TRAPPC9: variants seen among roughly 807,000 people sequenced by gnomAD.
TRAPPC9 encodes the protein IKK2 binding protein.
In TRAPPC9, 83 loss-of-function variants were observed where a neutral mutation model predicts 124.0. The ratio of observed to expected loss-of-function variants is 0.67; its 90% CI spans 0.56 to 0.80. TRAPPC9 has a LOEUF of 0.80. TRAPPC9 is among the 30% of genes least tolerant of loss of function. The pLI is 0.00. For missense variants in TRAPPC9, 1,302 were observed against 1,508.3 expected, an observed-to-expected ratio of 0.86 and a Z score of 2.27; for synonymous variants, 638 against 617.5, an observed-to-expected ratio of 1.03 and a Z score of -0.49.
In TRAPPC9 at chr8:140,124,008, C is replaced by A. The variant is rs544193333; in HGVS notation, c.2556+97451G>T. Reference sequence around the variant, plus strand: ...GGACCCTGGCTGAAGCAGCAAGTGTCCCCACCAGGACTTTGCTCACCTTAT... The same window carrying A: ...GGACCCTGGCTGAAGCAGCAAGTGTACCCACCAGGACTTTGCTCACCTTAT... On this transcript the variant is annotated intron_variant, in intron 17 of 22. Transcript: ENST00000438773. 1.7e-3 allele frequency among the ~76,000 whole-genome samples: 266 copies of A among 152,340 alleles called. 2 individuals are homozygous for A. Among genetic ancestry groups the A allele is most frequent in the Non-Finnish European group, 3.1e-3 (210 of 68,028 alleles).
At chr8:139,871,233 C>T (rs1025212579) in intron 21 of TRAPPC9, among the ~76,000 whole-genome samples, 2 of 152,284 alleles carry the variant, frequency 1.3e-5, no homozygotes, top group African/African-American at 4.8e-5. Flanking sequence ...TTTGTTATAA[C>T]CCGGACACCT....
chr8:140,057,839 C>T (rs555102939), intron 17 of TRAPPC9, among the ~76,000 whole-genome samples: 1 of 152,292 alleles, frequency 6.6e-6, no homozygotes, highest in East Asian at 1.9e-4. Flanking sequence ...ACATGTTCTT[C>T]CCACAATGGA....
intron 2 of TRAPPC9, among the ~76,000 whole-genome samples, chr8:140,448,167 A>C (rs79252897): frequency 6.9e-6 from 1 of 143,944 alleles, no homozygotes; most frequent in Non-Finnish European, 1.5e-5. Flanking sequence ...AAAAAAAAAA[A>C]TTAGAGAACC....
At chr8:140,372,220 A>C (rs1292410820) in intron 7 of TRAPPC9, among the ~76,000 whole-genome samples, 2 of 152,194 alleles carry the variant, frequency 1.3e-5, no homozygotes, top group Non-Finnish European at 2.9e-5. Context: ...GAGAAGAAGG[A>C]AGGCAGAGCC....
At chr8:140,056,038 C>A (rs1044819735) in intron 17 of TRAPPC9, among the ~76,000 whole-genome samples, 3 of 151,920 alleles carry the variant, frequency 2.0e-5, no homozygotes, top group African/African-American at 7.3e-5. Flanking sequence ...ACAGCCAAAA[C>A]CATCTTGAAA....
intron 19 of TRAPPC9, among the ~76,000 whole-genome samples, chr8:139,967,066 G>A (rs928808232): frequency 1.9e-4 from 29 of 152,176 alleles, no homozygotes; most frequent in African/African-American, 5.8e-4. Flanking sequence ...GGTAGATTGC[G>A]TTACTGTCCG....
intron 17 of TRAPPC9, among the ~76,000 whole-genome samples, chr8:140,034,105 T>C (rs1840728422): frequency 1.3e-5 from 2 of 152,230 alleles, no homozygotes. Flanking sequence ...ACTTTACTAA[T>C]ATTTTGCAAG....
At chr8:139,741,650 C>G (rs1818567822) in intron 21 of TRAPPC9, among the ~76,000 whole-genome samples, 1 of 152,070 alleles carries the variant, frequency 6.6e-6, no homozygotes, top group African/African-American at 2.4e-5. Flanking sequence ...ACCCTGTACC[C>G]TTTTAGCCAT....
At position 140,182,271 on chromosome 8, in the gene TRAPPC9, G is replaced by A. The variant is rs886876844; in HGVS notation, c.2556+39188C>T. On this transcript the variant is annotated intron_variant, in intron 17 of 22. Transcript: ENST00000438773. This position sits in a 1 kb window ranked among gnomAD's most constrained non-coding sequence, Gnocchi z 4.0. ...TGGGTTGAAGCAGGCAAATGTTTCC[G>A]AAGCCTGCCTTTCCCTAAGACCTTG... is the stretch of plus-strand genomic sequence containing the variant. Among the ~76,000 whole-genome samples the A allele has an allele frequency of 1.4e-4, 21 of 151,490 alleles. No individual in the cohort carries two copies. In the East Asian group the frequency reaches 3.1e-3, roughly 22 times the overall value.
At chr8:139,960,060 A>G (rs1835279416) in intron 19 of TRAPPC9, among the ~76,000 whole-genome samples, 1 of 152,228 alleles carries the variant, frequency 6.6e-6, no homozygotes, top group South Asian at 2.1e-4. Context: ...ATTAGTCACG[A>G]GGAATCATTT....
At chr8:139,988,930 A>T in intron 18 of TRAPPC9, 94 bp from the exon 19 acceptor site, 1 of 815,994 alleles carries the variant, frequency 1.2e-6, no homozygotes, top group Non-Finnish European at 2.0e-6. Flanking sequence ...CCCACCACTT[A>T]AGAAGGGCAA....
chr8:140,391,915 A>G (rs2068936431), intron 7 of TRAPPC9, among the ~76,000 whole-genome samples: 1 of 151,706 alleles, frequency 6.6e-6, no homozygotes, highest in African/African-American at 2.4e-5. Flanking sequence ...AATCCCAGCT[A>G]CTCGGGAGGG....
At chr8:140,018,253 T>C (rs1839597644) in intron 18 of TRAPPC9, among the ~76,000 whole-genome samples, 1 of 152,176 alleles carries the variant, frequency 6.6e-6, no homozygotes, top group Admixed American at 6.5e-5. Context: ...ATTATTTTGA[T>C]TCTACTGCAT....
intron 17 of TRAPPC9, among the ~76,000 whole-genome samples, chr8:140,070,444 C>CAT (rs1320199436): frequency 6.6e-6 from 1 of 152,126 alleles, no homozygotes; most frequent in East Asian, 1.9e-4. Flanking sequence ...AATACATACG[C>CAT]ATATATATAA....
chr8:139,893,091 T>C (rs1450909274), intron 20 of TRAPPC9, among the ~76,000 whole-genome samples: 1 of 152,172 alleles, frequency 6.6e-6, no homozygotes, highest in African/African-American at 2.4e-5. Flanking sequence ...CCTCTAAGGA[T>C]TTACAAACCA....
chr8:139,901,215 CTGTT>C (rs1314527972), intron 20 of TRAPPC9, among the ~76,000 whole-genome samples: 1 of 152,118 alleles, frequency 6.6e-6, no homozygotes, highest in Admixed American at 6.5e-5. Flanking sequence ...GGAAAATAGG[CTGTT>C]TGCATCCCAC....
At chr8:139,945,875 T>C (rs942177869) in intron 19 of TRAPPC9, among the ~76,000 whole-genome samples, 3 of 152,246 alleles carry the variant, frequency 2.0e-5, no homozygotes, top group Admixed American at 6.5e-5. Flanking sequence ...TATGATGGAC[T>C]AACAGATGGA....
At chr8:139,890,935 G>T (rs1285088830) in intron 20 of TRAPPC9, among the ~76,000 whole-genome samples, 1 of 150,834 alleles carries the variant, frequency 6.6e-6, no homozygotes, top group African/African-American at 2.4e-5. Context: ...AGAAGGGACC[G>T]CTGTTCAGCT....
At chr8:140,317,438 C>G (rs2066470131) in intron 9 of TRAPPC9, among the ~76,000 whole-genome samples, 1 of 152,156 alleles carries the variant, frequency 6.6e-6, no homozygotes, top group Non-Finnish European at 1.5e-5. Flanking sequence ...TCATATCCAG[C>G]CCCAGGCCTA....
Sources: gnomAD v4.1 joint callset for allele counts (sites outside exome capture counted in the v4.1 genomes callset) on GRCh38, gnomAD v4.1.1 for gene constraint, Gnocchi (gnomAD v3.1) non-coding constraint, MANE v1.5 for transcripts, NCBI Gene and HGNC (gene_info 2026-07-23, HGNC 2026-07-21) for gene names.